The following BICDL1 variants were observed in gnomAD, a reference collection of about 807,000 sequenced individuals.
BICDL1 encodes the protein BICD family like cargo adaptor 1.
Under a neutral mutation model 76.8 loss-of-function variants are expected in BICDL1, and 20 were observed. The observed-to-expected ratio is 0.26, with a 90% CI of 0.18 to 0.38. The LOEUF (loss-of-function observed/expected upper bound fraction) is 0.38. Ranked by LOEUF, BICDL1 falls within the 10% of genes least tolerant of loss-of-function variation. The pLI is 1.00. For synonymous variants in BICDL1, 383 were observed against 337.1 expected (o/e 1.14, Z -1.49); for missense variants, 700 against 798.6 (o/e 0.88, Z 1.49).
chr12:120,069,185 T>G (rs1566257219), intron 4 of BICDL1, among the ~76,000 whole-genome samples: 2 of 152,118 alleles, frequency 1.3e-5, no homozygotes, highest in Non-Finnish European at 2.9e-5. Context: ...GCATATAATA[T>G]ATATATTTGG....
intron 2 of BICDL1, among the ~76,000 whole-genome samples, chr12:120,053,480 A>G (rs1487518542): frequency 6.6e-6 from 1 of 151,818 alleles, no homozygotes; most frequent in African/African-American, 2.4e-5. Flanking sequence ...AGGAATATTT[A>G]TCCTATGTGT....
At chr12:120,086,469 T>A (rs1211740845) in intron 8 of BICDL1, among the ~76,000 whole-genome samples, 1 of 152,194 alleles carries the variant, frequency 6.6e-6, no homozygotes, top group East Asian at 1.9e-4. Flanking sequence ...ACCAGAACAA[T>A]ACAGTTGAAA....
rs143922053 is a variant in BICDL1, at chr12:120,040,561, A to G, written c.646-21149A>G. 7.9e-3 allele frequency among the ~76,000 whole-genome samples: 1,208 copies of G among 152,004 alleles called. 16 individuals carry two copies. Among genetic ancestry groups the G allele is most frequent in the African/African-American group, 0.027 (1,101 of 41,428 alleles). ...CTCCTGAGTAGCTGAGACTATAGGC[A>G]TACACTACCACACCCGGCTAATTTT... is the stretch of plus-strand genomic sequence containing the variant. On this transcript the variant is annotated intron_variant, in intron 2 of 9. Transcript: ENST00000548673.
chr12:120,092,432 G>T, intron 9 of BICDL1: 1 of 985,484 alleles, frequency 1.0e-6, no homozygotes, highest in Non-Finnish European at 1.2e-6. Context: ...CAGCAGCAGG[G>T]TCTAGGGCAG....
At chr12:120,078,368 C>T (rs865997725) in intron 7 of BICDL1, among the ~76,000 whole-genome samples, 5 of 152,202 alleles carry the variant, frequency 3.3e-5, no homozygotes, top group African/African-American at 9.7e-5. Flanking sequence ...GCAAATTAAG[C>T]CTTCAATATC....
chr12:119,990,065 G>C lies in BICDL1; in HGVS notation c.197G>C (p.Gly66Ala). ...GAGGAGCTGGCGCTGCTGGCGGCCG[G>C]GGAGCGGCCGTCCGACCCCGGGGAA... ...LEEELALLAA[G>A]ERPSDPGEHP... is the part of the protein sequence containing the mutation. The change falls in exon 1 of 10, where the codon GGG becomes GCG. Residue 66 changes from glycine to alanine, a missense_variant. Around this residue, in one of 3 missense-constraint regions of BICDL1, gnomAD observed 225 missense variants for 199.6 expected, o/e 1.13. Coordinates refer to ENST00000548673, the MANE Select transcript of BICDL1 (RefSeq NM_001367886.1). 1 of 1,536,696 alleles carries C rather than the reference G, an allele frequency of 6.5e-7. No individual in the cohort carries two copies. The highest frequency in any genetic ancestry group is 8.7e-7 in the Non-Finnish European group (1 of 1,143,286).
chr12:120,080,849 G>A, intron 7 of BICDL1, 38 bp from the exon 8 acceptor site: 1 of 1,604,706 alleles, frequency 6.2e-7, no homozygotes, highest in African/African-American at 1.3e-5. Flanking sequence ...AAACCACCCA[G>A]GACAGCAGCA....
chr12:120,090,126 A>G, intron 9 of BICDL1, 55 bp downstream of exon 9: 3 of 1,597,816 alleles, frequency 1.9e-6, no homozygotes, highest in Non-Finnish European at 2.6e-6. Flanking sequence ...GAATCTCTGA[A>G]CCCAGGCAGA....
Position 120,093,218 on chromosome 12 carries a change from T to C in BICDL1, c.*57T>C, listed in dbSNP as rs1007690390. ...GGACTGGAGGCAGCTGGAAAGGCGG[T>C]GCAGGCAAGGCCTCCCCTGCAGCTT... is the stretch of plus-strand genomic sequence containing the variant. On this transcript the variant is annotated 3_prime_UTR_variant, in exon 10 of 10. Coordinates refer to ENST00000548673, the MANE Select transcript of BICDL1 (RefSeq NM_001367886.1). 1.8e-5 allele frequency: 27 copies of C among 1,542,384 alleles called. No individual in the cohort carries two copies. The highest frequency in any genetic ancestry group is 2.2e-5 in the Non-Finnish European group (25 of 1,140,358).
chr12:120,008,472 T>C (rs904542998), intron 2 of BICDL1, among the ~76,000 whole-genome samples: 1 of 152,186 alleles, frequency 6.6e-6, no homozygotes, highest in African/African-American at 2.4e-5. Flanking sequence ...AGTTACTCTT[T>C]ATTTGGCAGA....
intron 2 of BICDL1, among the ~76,000 whole-genome samples, chr12:120,040,123 GAT>G (rs933995589): frequency 4.4e-4 from 66 of 151,720 alleles, no homozygotes; most frequent in African/African-American, 1.4e-3. Flanking sequence ...GTTCTTCTGA[GAT>G]AGAATCTCAT....
intron 4 of BICDL1, among the ~76,000 whole-genome samples, chr12:120,070,496 T>C (rs1873002045): frequency 6.6e-6 from 1 of 152,186 alleles, no homozygotes; most frequent in African/African-American, 2.4e-5. Flanking sequence ...AATCTCAGAA[T>C]TTAATAAGTT....
intron 1 of BICDL1, among the ~76,000 whole-genome samples, chr12:119,993,831 G>A (rs547563265): frequency 8.2e-4 from 125 of 152,112 alleles, no homozygotes; most frequent in African/African-American, 3.0e-3. Context: ...GGCCAGGCTG[G>A]TCTTGAACTC....
intron 2 of BICDL1, among the ~76,000 whole-genome samples, chr12:120,014,838 AT>A (rs1418037642): frequency 1.3e-5 from 2 of 152,134 alleles, no homozygotes; most frequent in African/African-American, 2.4e-5. Flanking sequence ...CTAAAAAAAA[AT>A]TAAAAAATAA....
At chr12:120,075,896 C>T (rs941340212) in intron 7 of BICDL1, among the ~76,000 whole-genome samples, 4 of 152,194 alleles carry the variant, frequency 2.6e-5, no homozygotes, top group Admixed American at 2.0e-4. Flanking sequence ...CGGTGGCTCA[C>T]GCCTGTAATC....
chr12:120,033,814 CA>C (rs1952479536), intron 2 of BICDL1, among the ~76,000 whole-genome samples: 1 of 152,044 alleles, frequency 6.6e-6, no homozygotes, highest in Non-Finnish European at 1.5e-5. Flanking sequence ...AGATTTAGGT[CA>C]AACATTTTTG....
intron 8 of BICDL1, among the ~76,000 whole-genome samples, chr12:120,083,403 T>G (rs1024491482): frequency 6.6e-6 from 1 of 150,704 alleles, no homozygotes; most frequent in African/African-American, 2.4e-5. Flanking sequence ...GGACTACAGG[T>G]GCACGCCACC....
chr12:120,055,978 A>C (rs575479937), intron 2 of BICDL1, among the ~76,000 whole-genome samples: 1 of 152,214 alleles, frequency 6.6e-6, no homozygotes, highest in Non-Finnish European at 1.5e-5. Flanking sequence ...TTTTGGAGCA[A>C]TGTTCATAAT....
chr12:120,007,468 C>T (rs1951871754), intron 2 of BICDL1, among the ~76,000 whole-genome samples: 1 of 152,148 alleles, frequency 6.6e-6, no homozygotes. Context: ...CCCACGTACA[C>T]ACTCTCAGCT....
Sources: allele counts gnomAD v4.1 joint callset (sites outside exome capture counted in the v4.1 genomes callset), GRCh38; gene constraint gnomAD v4.1.1; regional missense constraint gnomAD v4.1.1; transcripts MANE v1.5; gene names NCBI Gene and HGNC (gene_info 2026-07-23, HGNC 2026-07-21).